CHST3: variants seen among roughly 807,000 people sequenced by gnomAD.
CHST3 encodes C6ST-1.
In CHST3, 20 loss-of-function variants were observed where a neutral mutation model predicts 35.4. That is an observed-to-expected ratio of 0.57 (90% CI 0.40 to 0.82). The LOEUF is 0.82. CHST3 is among the 40% of genes least tolerant of loss of function. The pLI, the probability that CHST3 is intolerant of heterozygous loss-of-function variation, is 0.00. For missense variants in CHST3, 693 were observed against 670.1 expected (o/e 1.03, Z -0.38); for synonymous variants, 334 against 295.9 (o/e 1.13, Z -1.32).
At chr10:71,985,399 T>G (rs545290950) in intron 1 of CHST3, among the ~76,000 whole-genome samples, 68 of 152,328 alleles carry the variant, frequency 4.5e-4, no homozygotes, top group African/African-American at 1.6e-3. Context: ...TTTCTCCCCC[T>G]GCCATGAGGA....
intron 1 of CHST3, among the ~76,000 whole-genome samples, chr10:71,971,873 C>T (rs2131738253): frequency 6.6e-6 from 1 of 152,282 alleles, no homozygotes; most frequent in Middle Eastern, 3.4e-3. Context: ...TAGAACCTGC[C>T]AGTCACGAAG....
At chr10:71,993,022 G>A (rs1457622083) in intron 1 of CHST3, among the ~76,000 whole-genome samples, 4 of 152,150 alleles carry the variant, frequency 2.6e-5, no homozygotes, top group Non-Finnish European at 5.9e-5. Context: ...AGCTCAGGAC[G>A]GCTTTGAATG....
At chr10:71,968,136 A>G (rs1336163245) in intron 1 of CHST3, among the ~76,000 whole-genome samples, 1 of 151,882 alleles carries the variant, frequency 6.6e-6, no homozygotes, top group Non-Finnish European at 1.5e-5. Context: ...TTTCTCCACA[A>G]CCTGGCCAGC....
intron 1 of CHST3, among the ~76,000 whole-genome samples, chr10:72,003,732 C>G (rs1326978766): frequency 1.3e-5 from 2 of 149,696 alleles, no homozygotes; most frequent in African/African-American, 4.9e-5. Flanking sequence ...ATAGACTCTT[C>G]TTTCTGCAGC....
At chr10:71,991,394 C>T (rs530179026) in intron 1 of CHST3, among the ~76,000 whole-genome samples, 21 of 152,328 alleles carry the variant, frequency 1.4e-4, no homozygotes, top group African/African-American at 5.0e-4. Context: ...CAGTTGCCCT[C>T]CGCCTTTTTC....
In CHST3 at chr10:72,007,411, C is replaced by T. The variant is rs1192079058; in HGVS notation, c.380C>T (p.Ala127Val). ...AAGGAGGAGGAGCCGCCCAGACCGG[C>T]CGTGGCGGGGCCCCGGCGCCACGTG... ...QRKEEEPPRP[A>V]VAGPRRHVLL... Residue 127 changes from alanine (A) to valine (V), a missense_variant, in exon 3 of 3, where the codon GCC (alanine) becomes GTC (valine). Ala to Val is a moderately conservative substitution (Grantham distance 64, BLOSUM62 0). Coordinates refer to ENST00000373115, the MANE Select transcript of CHST3 (RefSeq NM_004273.5). The T allele has an allele frequency of 6.2e-7, 1 of 1,604,822 alleles. No individual in the cohort carries two copies.
chr10:71,994,437 T>C (rs902237986), intron 1 of CHST3, among the ~76,000 whole-genome samples: 11 of 152,210 alleles, frequency 7.2e-5, no homozygotes, highest in African/African-American at 2.7e-4. Flanking sequence ...TGAGCAGTAG[T>C]ATTTTAAGCA....
At position 72,007,657 on chromosome 10, in the gene CHST3, C is replaced by G. The variant is rs756637194; in HGVS notation, c.626C>G (p.Pro209Arg). The change falls in exon 3 of 3, where the codon CCG (proline) becomes CGG (arginine). Residue 209 changes from proline (P) to arginine (R), a missense_variant. Coordinates refer to ENST00000373115, the MANE Select transcript of CHST3 (RefSeq NM_004273.5). ...TACGTGCTGGAGCACTTCATCACGCCGCTGCCCGAGGACCACCTGACTCAG... is the reference window on the plus strand; with the variant it reads ...TACGTGCTGGAGCACTTCATCACGCGGCTGCCCGAGGACCACCTGACTCAG... Reference protein sequence around the residue: ...DLYVLEHFITPLPEDHLTQFM... With the variant: ...DLYVLEHFITRLPEDHLTQFM... 1.2e-6 allele frequency: 2 copies of G among 1,609,386 alleles called. No individual in the cohort carries two copies. Among genetic ancestry groups the G allele is most frequent in the African/African-American group, 2.7e-5 (2 of 74,912 alleles).
chr10:72,006,052 C>A, intron 2 of CHST3, 70 bp downstream of exon 2: 1 of 1,578,344 alleles, frequency 6.3e-7, no homozygotes, highest in East Asian at 2.2e-5. Flanking sequence ...GAGGTAACTG[C>A]AGGGCTCTCT....
intron 1 of CHST3, among the ~76,000 whole-genome samples, chr10:71,971,125 C>T (rs886938262): frequency 3.3e-5 from 5 of 152,130 alleles, no homozygotes; most frequent in Non-Finnish European, 5.9e-5. Flanking sequence ...GGCTTGGCAG[C>T]GGAGGGTCCT....
chr10:72,002,434 C>G, intron 1 of CHST3, among the ~76,000 whole-genome samples: 1 of 152,218 alleles, frequency 6.6e-6, no homozygotes, highest in East Asian at 1.9e-4. Flanking sequence ...CCCGCACCTG[C>G]CTTTTCACCC....
intron 1 of CHST3, among the ~76,000 whole-genome samples, chr10:71,971,597 A>G (rs950120658): frequency 3.3e-5 from 5 of 152,074 alleles, no homozygotes; most frequent in Admixed American, 3.3e-4. Context: ...CTGCCTCGCC[A>G]TCTGCAAGAT....
Position 72,007,742 on chromosome 10 carries a change from C to T in CHST3, c.711C>T (p.Phe237=), listed in dbSNP as rs1050116997. The T allele has an allele frequency of 1.8e-5, 29 of 1,603,004 alleles. No individual in the cohort carries two copies. The highest frequency in any genetic ancestry group is 2.2e-5 in the Non-Finnish European group (26 of 1,179,658). The change falls in exon 3 of 3, where the codon TTC becomes TTT. Residue 237 remains phenylalanine, a synonymous_variant. Coordinates refer to ENST00000373115, the MANE Select transcript of CHST3 (RefSeq NM_004273.5). ...SLCEDPVCTP[F]VKKVFEKYHC... The stretch of plus-strand genomic sequence containing the variant: ...GCGAGGACCCCGTCTGTACGCCCTT[C>T]GTCAAGAAGGTCTTCGAGAAGTACC...
intron 1 of CHST3, among the ~76,000 whole-genome samples, chr10:71,999,921 A>G (rs1839976026): frequency 6.6e-6 from 1 of 152,198 alleles, no homozygotes. Context: ...CAGATGGCTT[A>G]GGCTGTTTTC....
In CHST3 at chr10:71,964,673, C is replaced by A. The variant is rs992740616; in HGVS notation, c.-129C>A. 6.6e-6 allele frequency: 1 copy of A among 151,976 alleles called. No individual in the cohort carries two copies. Among genetic ancestry groups the A allele is most frequent in the African/African-American group, 2.4e-5 (1 of 41,428 alleles). 9.4% of individuals were successfully genotyped at this position (151,976 alleles called of 1,614,324 possible). ...CCCAGCCGCGGAGGGTCGGGGCCGC[C>A]GGTGGAGTCTCGGCGGCCGGGGTAA... On this transcript the variant is annotated 5_prime_UTR_variant, in exon 1 of 3. Transcript: ENST00000373115.
In CHST3 at chr10:71,974,493, G is replaced by C. The variant is rs560132845; in HGVS notation, c.-108+9799G>C. Among the ~76,000 whole-genome samples, 8 of 152,306 alleles carry C rather than the reference G, an allele frequency of 5.3e-5. No homozygotes were observed. In the East Asian group the frequency reaches 1.5e-3, roughly 29 times the overall value. On this transcript the variant is annotated intron_variant, in intron 1 of 2. Transcript: ENST00000373115. Reference sequence around the variant, plus strand: ...AGGGGCATCACAGGGATGAGCCCTGGGCTGGGGCCGCAGCCAGGAGCAGAG... The same window carrying C: ...AGGGGCATCACAGGGATGAGCCCTGCGCTGGGGCCGCAGCCAGGAGCAGAG...
Position 72,005,940 on chromosome 10 carries a change from T to C in CHST3, c.98T>C (p.Ile33Thr), listed in dbSNP as rs767056061. 8 of 1,614,122 alleles carry C rather than the reference T, an allele frequency of 5.0e-6. No homozygotes were observed. The highest frequency in any genetic ancestry group is 4.5e-5 in the East Asian group (2 of 44,898). Residue 33 changes from isoleucine to threonine, a missense_variant, in exon 2 of 3, where the codon ATA (isoleucine) becomes ACA (threonine). Physicochemically the swap from Ile to Thr is moderately conservative, Grantham distance 89 (BLOSUM62 -1). Transcript: ENST00000373115. ...KYALFLVFVV[I>T]VFVFIEKENK... is the part of the protein sequence containing the mutation. ...GCCCTTTTCTTGGTTTTTGTGGTGA[T>C]AGTTTTTGTCTTCATCGAAAAGGAA...
intron 1 of CHST3, among the ~76,000 whole-genome samples, chr10:71,999,842 G>A (rs1184400744): frequency 1.3e-5 from 2 of 152,234 alleles, no homozygotes; most frequent in Non-Finnish European, 2.9e-5. Flanking sequence ...AGCCTCACTT[G>A]CTGGGGCTTG....
intron 1 of CHST3, among the ~76,000 whole-genome samples, chr10:71,969,097 G>A (rs190510073): frequency 8.5e-5 from 13 of 152,242 alleles, no homozygotes; most frequent in East Asian, 3.9e-4. Context: ...CCCCTGCCAC[G>A]TGTTCTGGAG....
Sources: gnomAD v4.1 joint callset for allele counts (sites outside exome capture counted in the v4.1 genomes callset) on GRCh38, gnomAD v4.1.1 for gene constraint, MANE v1.5 for transcripts, NCBI Gene and HGNC (gene_info 2026-07-23, HGNC 2026-07-21) for gene names.